The following TBC1D1 variants were observed in gnomAD, a reference collection of about 807,000 sequenced individuals.
TBC1D1 encodes the protein TBC1 (tre-2/USP6, BUB2, cdc16) domain family, member 1.
A neutral mutation model predicts 125.6 loss-of-function variants in TBC1D1; 89 were observed. The ratio of observed to expected loss-of-function variants is 0.71; its 90% CI spans 0.60 to 0.85. The LOEUF is 0.85. Among genes scored for constraint, TBC1D1 ranks in the 40% least tolerant of loss-of-function variants. The pLI is 0.00. For synonymous variants in TBC1D1, 565 were observed against 564.1 expected (o/e 1.00, Z -0.02); for missense variants, 1,377 against 1,469.2 (o/e 0.94, Z 1.03).
Position 38,111,685 on chromosome 4 carries a change from A to AG in TBC1D1, c.2558-4020dup, listed in dbSNP as rs566805742. 1.8e-4 allele frequency among the ~76,000 whole-genome samples: 28 copies of AG among 152,334 alleles called. No individual in the cohort carries two copies. The South Asian group carries it at 5.8e-3, about 32-fold the overall frequency. ...TGCACAGATCTATAGTAGGAAAAGC[A>AG]GGGGGAGGGCCTCATGGACCCCTAA... On this transcript the variant is annotated intron_variant, in intron 15 of 19. Transcript: ENST00000261439.
At chr4:38,006,455 C>G (rs1740192510) in intron 2 of TBC1D1, among the ~76,000 whole-genome samples, 1 of 150,852 alleles carries the variant, frequency 6.6e-6, no homozygotes, top group Non-Finnish European at 1.5e-5. Flanking sequence ...GAAATTTTCC[C>G]TCTTGAGGGA....
intron 2 of TBC1D1, among the ~76,000 whole-genome samples, chr4:37,959,580 T>A (rs1729577367): frequency 6.6e-6 from 1 of 152,198 alleles, no homozygotes; most frequent in South Asian, 2.1e-4. Flanking sequence ...TTTTTGCATA[T>A]GGGCTCAAAT....
At chr4:37,900,056 G>C (rs1355628452) in intron 1 of TBC1D1, among the ~76,000 whole-genome samples, 1 of 151,510 alleles carries the variant, frequency 6.6e-6, no homozygotes, top group Admixed American at 6.6e-5. Context: ...GGGAGGCGGA[G>C]CTTGCAGTGA....
intron 18 of TBC1D1, among the ~76,000 whole-genome samples, chr4:38,128,179 C>T (rs558095311): frequency 6.6e-6 from 1 of 152,182 alleles, no homozygotes; most frequent in East Asian, 1.9e-4. Context: ...TTGGGGGTAT[C>T]GGGAGCACAA....
chr4:38,012,029 G>A (rs950380418), intron 2 of TBC1D1, among the ~76,000 whole-genome samples: 14 of 152,210 alleles, frequency 9.2e-5, no homozygotes, highest in Non-Finnish European at 1.5e-4. Context: ...AGAAGACACA[G>A]CATGTAGAAA....
intron 13 of TBC1D1, among the ~76,000 whole-genome samples, chr4:38,094,090 A>C (rs547447748): frequency 3.6e-4 from 55 of 152,292 alleles, no homozygotes; most frequent in African/African-American, 1.2e-3. Flanking sequence ...ATTCAGTGCA[A>C]TTCTTCTAAA....
intron 2 of TBC1D1, among the ~76,000 whole-genome samples, chr4:37,962,773 A>G (rs974865375): frequency 1.3e-5 from 2 of 152,220 alleles, no homozygotes; most frequent in African/African-American, 4.8e-5. Flanking sequence ...GATTACTATA[A>G]GGATAATAAG....
At chr4:38,058,085 T>A (rs1752064863) in intron 12 of TBC1D1, among the ~76,000 whole-genome samples, 1 of 152,232 alleles carries the variant, frequency 6.6e-6, no homozygotes, top group African/African-American at 2.4e-5. Context: ...TTTCTGGGCA[T>A]TTTAATGTAC....
intron 2 of TBC1D1, among the ~76,000 whole-genome samples, chr4:37,986,912 A>G (rs1333979230): frequency 6.6e-6 from 1 of 152,160 alleles, no homozygotes; most frequent in Non-Finnish European, 1.5e-5. Context: ...TTAACTGTGC[A>G]AGAAGAAGCA....
At chr4:38,070,456 G>A (rs1214768837) in intron 12 of TBC1D1, among the ~76,000 whole-genome samples, 2 of 152,180 alleles carry the variant, frequency 1.3e-5, no homozygotes, top group African/African-American at 2.4e-5. Flanking sequence ...GGCCTCACAC[G>A]CTCCTGCATC....
chr4:38,114,683 G>A (rs1762680065), intron 15 of TBC1D1, among the ~76,000 whole-genome samples: 1 of 152,136 alleles, frequency 6.6e-6, no homozygotes, highest in Non-Finnish European at 1.5e-5. Context: ...AACTTGACAA[G>A]TATCAGCTAC....
chr4:38,096,255 C>T (rs79133735), intron 14 of TBC1D1, among the ~76,000 whole-genome samples, 165 bp downstream of exon 16: 2,935 of 152,234 alleles, frequency 0.019, 44 homozygotes, highest in South Asian at 0.055. Flanking sequence ...ATGAGTTTCA[C>T]CACCTTTCAT....
At chr4:38,118,387 G>A (rs1452282299) in intron 17 of TBC1D1, 195 bp downstream of exon 19, 11 of 551,770 alleles carry the variant, frequency 2.0e-5, no homozygotes, top group African/African-American at 1.7e-4. Flanking sequence ...TAATCACGGG[G>A]CTTCCCTAGA....
chr4:38,031,392 G>A (rs934933377), intron 7 of TBC1D1, among the ~76,000 whole-genome samples: 1 of 152,194 alleles, frequency 6.6e-6, no homozygotes, highest in African/African-American at 2.4e-5. Context: ...TATCAGCTTA[G>A]TTGGATTTTG....
intron 2 of TBC1D1, among the ~76,000 whole-genome samples, chr4:37,925,245 G>T (rs1721829097): frequency 6.6e-6 from 1 of 152,194 alleles, no homozygotes; most frequent in Non-Finnish European, 1.5e-5. Flanking sequence ...GCAGGGCCAG[G>T]TCTACCTTTC....
At chr4:37,904,291 G>A (rs926241347) in intron 2 of TBC1D1, among the ~76,000 whole-genome samples, 5 of 152,210 alleles carry the variant, frequency 3.3e-5, no homozygotes, top group Non-Finnish European at 7.3e-5. Flanking sequence ...CTAGATGAGT[G>A]CCTTCAGCTT....
At position 38,118,126 on chromosome 4, in the gene TBC1D1, G is replaced by A. The variant is rs765228485; in HGVS notation, c.2896G>A (p.Ala966Thr). The A allele has an allele frequency of 7.4e-6, 12 of 1,613,972 alleles. No homozygotes were observed. The highest frequency in any genetic ancestry group is 1.6e-4 in the Middle Eastern group (1 of 6,084). The stretch of plus-strand genomic sequence containing the variant: ...GCACGAGATCGGCCCCAGCCTCTAC[G>A]CTGCCCCCTGGTTCCTCACCATGTT... Residue 966 changes from alanine (A) to threonine (T), a missense_variant, in exon 17 of 20, where the codon GCT becomes ACT. Coordinates refer to ENST00000261439, the MANE Select transcript of TBC1D1 (RefSeq NM_015173.4).
chr4:38,021,831 C>A, intron 6 of TBC1D1, 113 bp downstream of exon 6: 1 of 1,220,738 alleles, frequency 8.2e-7, no homozygotes, highest in Non-Finnish European at 1.1e-6. Context: ...TTGTATTAGT[C>A]ACAGGGATTG....
At chr4:37,959,203 C>T (rs1192072680) in intron 2 of TBC1D1, among the ~76,000 whole-genome samples, 13 of 152,166 alleles carry the variant, frequency 8.5e-5, no homozygotes, top group Non-Finnish European at 1.3e-4. Flanking sequence ...CGAAAATCCA[C>T]CTATAACCTT....
Sources: allele counts gnomAD v4.1 joint callset (sites outside exome capture counted in the v4.1 genomes callset), GRCh38; gene constraint gnomAD v4.1.1; transcripts MANE v1.5; gene names NCBI Gene and HGNC (gene_info 2026-07-23, HGNC 2026-07-21).